The following FGGY variants were observed in gnomAD, a reference collection of about 807,000 sequenced individuals.
FGGY encodes the protein FGGY carbohydrate kinase domain-containing protein.
A neutral mutation model predicts 71.3 loss-of-function variants in FGGY; 72 were observed. That is an observed-to-expected ratio of 1.01 (90% CI 0.84 to 1.23). The LOEUF is 1.23. FGGY is among the 50% of genes most tolerant of loss of function. The pLI, the probability that FGGY is intolerant of heterozygous loss-of-function variation, is 0.00. For synonymous variants in FGGY, 251 were observed against 250.3 expected (o/e 1.00, Z -0.02); for missense variants, 668 against 682.3 (o/e 0.98, Z 0.23).
At chr1:59,614,241 A>T (rs1049081951) in intron 9 of FGGY, among the ~76,000 whole-genome samples, 3 of 152,212 alleles carry the variant, frequency 2.0e-5, no homozygotes, top group Admixed American at 6.5e-5. Context: ...TCGATGCAAA[A>T]ATCCTCAATA....
At chr1:59,694,894 C>T (rs558044695) in intron 14 of FGGY, among the ~76,000 whole-genome samples, 1 of 152,250 alleles carries the variant, frequency 6.6e-6, no homozygotes, top group East Asian at 1.9e-4. Flanking sequence ...GTGAATCTCC[C>T]AGGTTGGATA....
intron 4 of FGGY, among the ~76,000 whole-genome samples, chr1:59,357,042 T>C (rs1483044764): frequency 6.6e-6 from 1 of 152,184 alleles, no homozygotes; most frequent in Non-Finnish European, 1.5e-5. Flanking sequence ...TCCCAGCCTT[T>C]GAGGAATGAA....
intron 10 of FGGY, among the ~76,000 whole-genome samples, chr1:59,629,340 C>T (rs540541764): frequency 5.3e-5 from 8 of 152,150 alleles, no homozygotes; most frequent in Non-Finnish European, 8.8e-5. Flanking sequence ...TAAATGAATA[C>T]TGTAGTAAAA....
At chr1:59,720,301 G>A (rs2100593472) in intron 14 of FGGY, among the ~76,000 whole-genome samples, 1 of 152,290 alleles carries the variant, frequency 6.6e-6, no homozygotes, top group Non-Finnish European at 1.5e-5. Flanking sequence ...CCTTATGCCT[G>A]TAGCCATTGA....
chr1:59,411,666 T>G (rs1218253344), intron 5 of FGGY, among the ~76,000 whole-genome samples: 3 of 152,236 alleles, frequency 2.0e-5, no homozygotes, highest in African/African-American at 7.2e-5. Flanking sequence ...ACTTATTTAT[T>G]CATTCAGTTG....
chr1:59,655,264 T>C (rs1176487453), intron 11 of FGGY, among the ~76,000 whole-genome samples: 1 of 152,230 alleles, frequency 6.6e-6, no homozygotes, highest in Non-Finnish European at 1.5e-5. Flanking sequence ...ATACTTATTT[T>C]ACTTTTGTAA....
intron 8 of FGGY, among the ~76,000 whole-genome samples, chr1:59,576,757 G>A (rs1346562218): frequency 6.6e-6 from 1 of 150,442 alleles, no homozygotes; most frequent in African/African-American, 2.4e-5. Context: ...AAGCATTCAG[G>A]GCAAATAGCA....
At chr1:59,732,990 C>G (rs1442317948) in intron 14 of FGGY, among the ~76,000 whole-genome samples, 1 of 152,054 alleles carries the variant, frequency 6.6e-6, no homozygotes, top group African/African-American at 2.4e-5. Context: ...CGCTCTGCTT[C>G]AAAGGACTTT....
rs181523700 is a variant in FGGY at position 59,744,207 on chromosome 1, T to G, written c.1513-13724T>G. On this transcript the variant is annotated intron_variant, in intron 14 of 15. Transcript: ENST00000303721. ...ATGAGTAAACTGAGGGACAAAGAGG[T>G]TAGTTAAGGCCCAAGCCATTCTGTT... Among the ~76,000 whole-genome samples, 332 of 152,298 alleles carry G rather than the reference T, an allele frequency of 2.2e-3. 3 individuals carry two copies. The highest frequency in any genetic ancestry group is 6.8e-3 in the African/African-American group (282 of 41,574).
intron 6 of FGGY, among the ~76,000 whole-genome samples, chr1:59,499,315 T>TTTTTTTTTTTTTTTGTG (rs2094149856): frequency 6.7e-6 from 1 of 149,170 alleles, no homozygotes; most frequent in South Asian, 2.1e-4. Flanking sequence ...TTTTTTTTTT[T>TTTTTTTTTTTTTTTGTG]GATCTGGTAA....
At chr1:59,519,186 T>G (rs2094751580) in intron 7 of FGGY, among the ~76,000 whole-genome samples, 2 of 152,250 alleles carry the variant, frequency 1.3e-5, no homozygotes, top group African/African-American at 4.8e-5. Context: ...ATCACTGTGT[T>G]ATAAAGAATG....
At chr1:59,464,160 ACTGT>A (rs2092452994) in intron 6 of FGGY, among the ~76,000 whole-genome samples, 1 of 152,192 alleles carries the variant, frequency 6.6e-6, no homozygotes, top group African/African-American at 2.4e-5. Context: ...ATCACAACAA[ACTGT>A]CTTTCAGACC....
intron 5 of FGGY, among the ~76,000 whole-genome samples, chr1:59,389,719 A>C (rs529091527): frequency 6.6e-6 from 1 of 152,152 alleles, no homozygotes; most frequent in South Asian, 2.1e-4. Context: ...TGAAAGTTCT[A>C]ATTCCTCCAC....
intron 4 of FGGY, among the ~76,000 whole-genome samples, chr1:59,352,167 C>A (rs2053441395): frequency 6.6e-6 from 1 of 152,148 alleles, no homozygotes; most frequent in Non-Finnish European, 1.5e-5. Flanking sequence ...AAATTAAGTT[C>A]TGTCAGGCTT....
intron 7 of FGGY, among the ~76,000 whole-genome samples, chr1:59,541,210 C>T (rs761121878): frequency 6.6e-5 from 10 of 152,234 alleles, no homozygotes; most frequent in Middle Eastern, 3.4e-3. Context: ...GTATATATAA[C>T]CAGGGATTCT....
At chr1:59,347,026 AAAG>A (rs1396127765) in intron 4 of FGGY, among the ~76,000 whole-genome samples, 1 of 150,848 alleles carries the variant, frequency 6.6e-6, no homozygotes, top group African/African-American at 2.5e-5. Flanking sequence ...ATCAGTTAGC[AAAG>A]AAGCAATCTC....
At chr1:59,638,500 T>G in intron 11 of FGGY, 125 bp downstream of exon 11, 2 of 1,087,652 alleles carry the variant, frequency 1.8e-6, no homozygotes, top group Non-Finnish European at 2.6e-6. Flanking sequence ...TCTGGCTTTG[T>G]GCAGATGCAT....
intron 1 of FGGY, among the ~76,000 whole-genome samples, chr1:59,304,756 T>C (rs536770912): frequency 1.2e-4 from 19 of 152,246 alleles, no homozygotes; most frequent in Non-Finnish European, 2.8e-4. Context: ...CATAGGTTTA[T>C]AGTTTTCAAT....
chr1:59,461,199 G>T (rs1409917002), intron 6 of FGGY, among the ~76,000 whole-genome samples: 1 of 152,180 alleles, frequency 6.6e-6, no homozygotes, highest in Non-Finnish European at 1.5e-5. Flanking sequence ...TAGCTAACTA[G>T]AATAAACAGT....
Sources: gnomAD v4.1 joint callset for allele counts (sites outside exome capture counted in the v4.1 genomes callset) on GRCh38, gnomAD v4.1.1 for gene constraint, MANE v1.5 for transcripts, NCBI Gene and HGNC (gene_info 2026-07-23, HGNC 2026-07-21) for gene names.